The following ARMC9 variants were observed in gnomAD, a reference collection of about 807,000 sequenced individuals.
ARMC9 encodes the protein armadillo repeat containing 9.
A neutral mutation model predicts 107.0 loss-of-function variants in ARMC9; 94 were observed. The ratio of observed to expected loss-of-function variants is 0.88; its 90% confidence interval spans 0.74 to 1.04. The LOEUF (loss-of-function observed/expected upper bound fraction) is 1.04, where lower values mean the gene tolerates loss of function less well. Ranked by LOEUF, ARMC9 falls within the 50% of genes least tolerant of loss-of-function variation. ARMC9 has a pLI of 0.00. For missense variants in ARMC9, 942 were observed against 1,030.1 expected (o/e 0.91, Z 1.17); for synonymous variants, 380 against 396.9 (o/e 0.96, Z 0.51).
chr2:231,259,880 C>T (rs1356148597), intron 11 of ARMC9, among the ~76,000 whole-genome samples: 1 of 152,132 alleles, frequency 6.6e-6, no homozygotes, highest in African/African-American at 2.4e-5. Context: ...CCTGTAGTCC[C>T]AGCTACTCAG....
intron 4 of ARMC9, among the ~76,000 whole-genome samples, chr2:231,215,504 C>T (rs181378097): frequency 8.9e-4 from 135 of 152,266 alleles, no homozygotes; most frequent in African/African-American, 3.1e-3. Context: ...CACATTTAAA[C>T]TTAGGTAGTG....
At chr2:231,313,766 T>C (rs2042493146) in intron 19 of ARMC9, among the ~76,000 whole-genome samples, 1 of 151,868 alleles carries the variant, frequency 6.6e-6, no homozygotes, top group African/African-American at 2.4e-5. Flanking sequence ...TTTTTTTTGT[T>C]TGTTTGAGAC....
At chr2:231,361,822 A>T (rs1017700785) in intron 23 of ARMC9, among the ~76,000 whole-genome samples, 1 of 152,202 alleles carries the variant, frequency 6.6e-6, no homozygotes, top group Non-Finnish European at 1.5e-5. Flanking sequence ...AGGCAGGAAG[A>T]CTGAGCAGAA....
At chr2:231,296,104 T>C (rs1435206435) in intron 18 of ARMC9, 94 bp from the exon 19 acceptor site, 3 of 845,670 alleles carry the variant, frequency 3.5e-6, no homozygotes, top group Non-Finnish European at 5.6e-6. Flanking sequence ...TCATTCTCAT[T>C]AAGGTGTTTA....
intron 7 of ARMC9, 106 bp downstream of exon 7, chr2:231,226,904 GAGTCTAAATATTTATGAAAGGCTTTGC>G (rs1397833876): frequency 3.0e-6 from 4 of 1,341,824 alleles, no homozygotes; most frequent in Non-Finnish European, 4.2e-6. Flanking sequence ...TTGGCTTTAA[GAGTCTAAATATTTATGAAAGGCTTTGC>G]AGTCATAGTG....
intron 17 of ARMC9, among the ~76,000 whole-genome samples, chr2:231,287,768 G>A (rs543117806): frequency 6.6e-6 from 1 of 152,230 alleles, no homozygotes; most frequent in South Asian, 2.1e-4. Flanking sequence ...TTCAAAATTA[G>A]TGTAGAAATT....
chr2:231,203,065 C>G (rs1327232440), intron 1 of ARMC9, among the ~76,000 whole-genome samples: 1 of 152,146 alleles, frequency 6.6e-6, no homozygotes, highest in East Asian at 1.9e-4. Flanking sequence ...GAGTGTGGCT[C>G]TGACCTAACT....
At chr2:231,247,455 A>G (rs771204158) in intron 9 of ARMC9, among the ~76,000 whole-genome samples, 5 of 151,894 alleles carry the variant, frequency 3.3e-5, no homozygotes, top group Non-Finnish European at 7.4e-5. Context: ...CCCCAGTGTG[A>G]TTTTCTTACA....
intron 3 of ARMC9, among the ~76,000 whole-genome samples, chr2:231,212,089 TAGTG>T (rs1490702697): frequency 6.6e-5 from 10 of 152,190 alleles, no homozygotes; most frequent in Middle Eastern, 3.2e-3. Context: ...ACTCAAAAAA[TAGTG>T]AGTTTCCCCA....
At position 231,360,175 on chromosome 2, in the gene ARMC9, C is replaced by T. The variant is rs879493762; in HGVS notation, c.2132-579C>T. On this transcript the variant is annotated intron_variant, in intron 22 of 24. Transcript: ENST00000611582. The surrounding 1 kb of genome is among the most constrained non-coding windows in gnomAD (Gnocchi z 4.7). ...ATCTGGGATTCTCCGTCTGCTTCCC[C>T]GTGAAGGGCTCCTGCGTGTCCCGGG... Among the ~76,000 whole-genome samples, 15 of 152,060 alleles carry T rather than the reference C, an allele frequency of 9.9e-5. No homozygotes were observed. Among genetic ancestry groups the T allele is most frequent in the African/African-American group, 2.7e-4 (11 of 41,400 alleles).
intron 23 of ARMC9, among the ~76,000 whole-genome samples, chr2:231,364,903 C>T (rs57071672): frequency 0.015 from 2,260 of 152,306 alleles, 44 homozygotes; most frequent in African/African-American, 0.038. Flanking sequence ...ACCTTGGGGG[C>T]TGCTTCAGGC....
At chr2:231,363,131 A>C (rs1181034024) in intron 23 of ARMC9, among the ~76,000 whole-genome samples, 1 of 152,132 alleles carries the variant, frequency 6.6e-6, no homozygotes. Context: ...AATGCAGGGC[A>C]TGCAGGAGTG....
chr2:231,353,724 G>A (rs2045204411), intron 21 of ARMC9, among the ~76,000 whole-genome samples: 1 of 151,642 alleles, frequency 6.6e-6, no homozygotes, highest in East Asian at 1.9e-4. Flanking sequence ...CACCTTCCAC[G>A]ACTGTGGATG....
chr2:231,202,068 C>T (rs1380384146), intron 1 of ARMC9, among the ~76,000 whole-genome samples: 3 of 150,686 alleles, frequency 2.0e-5, no homozygotes, highest in African/African-American at 4.9e-5. Context: ...GGCACGATCT[C>T]GGCTCATTGC....
At chr2:231,226,649 C>A in intron 6 of ARMC9, 125 bp from the exon 7 acceptor site, 2 of 1,130,924 alleles carry the variant, frequency 1.8e-6, no homozygotes, top group Non-Finnish European at 1.3e-6. Context: ...TGGAGCTGGC[C>A]CTCCCGGCTC....
intron 17 of ARMC9, among the ~76,000 whole-genome samples, chr2:231,285,924 A>G (rs950023633): frequency 1.3e-5 from 2 of 152,174 alleles, no homozygotes; most frequent in African/African-American, 4.8e-5. Flanking sequence ...ACATGGGTGC[A>G]TTTGCTTGGC....
At chr2:231,321,148 C>T (rs1053521900) in intron 19 of ARMC9, among the ~76,000 whole-genome samples, 2 of 152,262 alleles carry the variant, frequency 1.3e-5, no homozygotes, top group Non-Finnish European at 2.9e-5. Context: ...CAATCCATGT[C>T]AAGTGCCAGG....
At chr2:231,289,662 T>A (rs942336966) in intron 17 of ARMC9, among the ~76,000 whole-genome samples, 2 of 152,156 alleles carry the variant, frequency 1.3e-5, no homozygotes, top group African/African-American at 4.8e-5. Flanking sequence ...ACTGTCTCTC[T>A]GGTACGACAA....
chr2:231,274,707 C>A lies in ARMC9; in HGVS notation c.1334+1629C>A, dbSNP rs75791435. ...TCCTCTTCTGAACACACTTTCTTCC[C>A]ATCAAATGTGGTTTACATTTGACTG... On this transcript the variant is annotated intron_variant, in intron 14 of 24. Transcript: ENST00000611582. Among the ~76,000 whole-genome samples, 7 of 152,200 alleles carry A rather than the reference C, an allele frequency of 4.6e-5. No individual in the cohort carries two copies. In the East Asian group the frequency reaches 1.4e-3, roughly 29 times the overall value.
Sources: gnomAD v4.1 joint callset for allele counts (sites outside exome capture counted in the v4.1 genomes callset) on GRCh38, gnomAD v4.1.1 for gene constraint, Gnocchi (gnomAD v3.1) non-coding constraint, MANE v1.5 for transcripts, NCBI Gene and HGNC (gene_info 2026-07-23, HGNC 2026-07-21) for gene names.